The following AHNAK2 variants were observed in gnomAD, a reference collection of about 807,000 sequenced individuals.
AHNAK2 encodes the protein protein AHNAK2.
Under a neutral mutation model 30.7 loss-of-function variants are expected in AHNAK2, and 18 were observed. The ratio of observed to expected loss-of-function variants is 0.59; its 90% CI spans 0.41 to 0.87. The LOEUF is 0.87. Among genes scored for constraint, AHNAK2 ranks in the 40% least tolerant of loss-of-function variants. The probability of loss-of-function intolerance (pLI) is 0.00; values close to 1 mark genes in which losing one functional copy is unlikely to be tolerated. For synonymous variants in AHNAK2, 3,590 were observed against 3,073.8 expected, an observed-to-expected ratio of 1.17 and a Z score of -5.56; for missense variants, 8,604 against 7,373.0, an observed-to-expected ratio of 1.17 and a Z score of -6.11.
rs749939034 is a variant in AHNAK2 at position 104,948,146 on chromosome 14, C to T, written c.7305G>A (p.Thr2435=). The T allele has an allele frequency of 3.1e-5, 50 of 1,612,458 alleles. 1 individual carries two copies. Among genetic ancestry groups the T allele is most frequent in the African/African-American group, 6.7e-5 (5 of 74,324 alleles). Reference sequence around the variant, plus strand: ...CCTCCACGTCGGGGGCCATCACGTCCGTCTTGGGGCCTTTCAGGTCCAGCT... The same window carrying T: ...CCTCCACGTCGGGGGCCATCACGTCTGTCTTGGGGCCTTTCAGGTCCAGCT... The part of the protein sequence containing the change: ...GPKLDLKGPK[T]DVMAPDVEVS... The change falls in exon 7 of 7, where the codon ACG becomes ACA. Residue 2435 remains threonine (T), a synonymous_variant. Coordinates refer to ENST00000333244, the MANE Select transcript of AHNAK2 (RefSeq NM_138420.4).
intron 4 of AHNAK2, 33 bp from the exon 5 acceptor site, chr14:104,955,666 C>G: frequency 6.2e-7 from 1 of 1,602,284 alleles, no homozygotes; most frequent in Non-Finnish European, 8.5e-7. Flanking sequence ...CCATGGTGAG[C>G]ATGTGCCAGT....
chr14:104,954,948 T>C lies in AHNAK2; in HGVS notation c.651+9A>G. On this transcript the variant is annotated intron_variant, in intron 6 of 6. Coordinates refer to ENST00000333244, the MANE Select transcript of AHNAK2 (RefSeq NM_138420.4). This position sits in a 1 kb window ranked among gnomAD's most constrained non-coding sequence, Gnocchi z 4.3. ...CTGGGGCCCTGCCCCCCGGGCATAG[T>C]GGTCTCACCTCCTTCTCCTTGCCCT... is the stretch of plus-strand genomic sequence containing the variant. The C allele has an allele frequency of 6.2e-7, 1 of 1,605,868 alleles. No homozygotes were observed. The highest frequency in any genetic ancestry group is 8.5e-7 in the Non-Finnish European group (1 of 1,175,930).
Position 104,956,934 on chromosome 14 carries a change from C to T in AHNAK2, c.214-245G>A, listed in dbSNP as rs59257990. Among the ~76,000 whole-genome samples, 1,212 of 152,306 alleles carry T rather than the reference C, an allele frequency of 8.0e-3. 16 individuals carry two copies. Among genetic ancestry groups the T allele is most frequent in the African/African-American group, 0.028 (1,154 of 41,564 alleles). The stretch of plus-strand genomic sequence containing the variant: ...ACAGCACCCACCCTACAGCCCACAG[C>T]GCCCATAGGGAAGCCCCACAGCAAC... On this transcript the variant is annotated intron_variant, in intron 3 of 6. Coordinates refer to ENST00000333244, the MANE Select transcript of AHNAK2 (RefSeq NM_138420.4).
rs781298549 is a variant in AHNAK2 at position 104,952,102 on chromosome 14, C to T, written c.3349G>A (p.Val1117Ile). ...KLDLKSPKAEVTAPDVEVSLP... is the reference protein window; with the variant it reads ...KLDLKSPKAEITAPDVEVSLP... ...GACACCTCCACATCAGGGGCTGTGA[C>T]TTCCGCCTTGGGGCTTTTCAGGTCC... Residue 1117 changes from valine to isoleucine, a missense_variant, in exon 7 of 7, where the codon GTC becomes ATC. Transcript: ENST00000333244. The T allele has an allele frequency of 2.5e-6, 4 of 1,612,844 alleles. No individual in the cohort carries two copies. Among genetic ancestry groups the T allele is most frequent in the Non-Finnish European group, 3.4e-6 (4 of 1,179,712 alleles).
In AHNAK2 at chr14:104,953,342, C is replaced by A; in HGVS notation, c.2109G>T (p.Pro703=). 2 of 1,613,658 alleles carry A rather than the reference C, an allele frequency of 1.2e-6. No homozygotes were observed. Among genetic ancestry groups the A allele is most frequent in the Non-Finnish European group, 1.7e-6 (2 of 1,179,844 alleles). The part of the protein sequence containing the change: ...SMEASVDVSA[P]KVEADVSLLS... ...GGAGGCTCACGTCGGCCTCCACCTTCGGCGCAGACACATCCACCGAGGCCT... is the reference window on the plus strand; with the variant it reads ...GGAGGCTCACGTCGGCCTCCACCTTAGGCGCAGACACATCCACCGAGGCCT... Residue 703 remains proline (P), a synonymous_variant, in exon 7 of 7, where the codon CCG becomes CCT. Coordinates refer to ENST00000333244, the MANE Select transcript of AHNAK2 (RefSeq NM_138420.4).
intron 1 of AHNAK2, chr14:104,970,526 C>T (rs985364800): frequency 2.8e-5 from 28 of 985,702 alleles, no homozygotes; most frequent in South Asian, 9.4e-5. Context: ...CCCCCTGCCA[C>T]GCCCGGTTCT....
Position 104,951,709 on chromosome 14 carries a change from T to G in AHNAK2, c.3742A>C (p.Lys1248Gln). Residue 1248 changes from lysine (K) to glutamine (Q), a missense_variant, in exon 7 of 7, where the codon AAG (lysine) becomes CAG (glutamine). Transcript: ENST00000333244. ...EGAGFKGHLP[K>Q]VQMPSLKMPK... is the part of the protein sequence containing the mutation. ...ATCTTCAAACTAGGCATCTGCACCT[T>G]GGGCAGGTGCCCTTTGAAGCCGGCT... is the stretch of plus-strand genomic sequence containing the variant. 1 of 1,246,404 alleles carries G rather than the reference T, an allele frequency of 8.0e-7. No homozygotes were observed. The highest frequency in any genetic ancestry group is 2.6e-4 in the Middle Eastern group (1 of 3,860). The allele number at this position is 1,246,404 out of a possible 1,614,324, so 77.2% of individuals were successfully genotyped here. A position where few individuals can be genotyped will look rare whatever the true frequency, so the allele number is the denominator to read the frequency against.
chr14:104,953,037 GC>G lies in AHNAK2; in HGVS notation c.2413del (p.Ala805ProfsTer22). ...CGCACCATCCAGCTTTGCTCTCGGGGCCTGGACGTCCACCTCCATGCTGGAC... is the reference window on the plus strand; with the variant it reads ...CGCACCATCCAGCTTTGCTCTCGGGGCTGGACGTCCACCTCCATGCTGGAC... ...SLSSMEVDVQAPRAKLDGARL... is the reference protein window; with the variant it reads ...SLSSMEVDVQXPRAKLDGARL... On this transcript the variant is annotated frameshift_variant, in exon 7 of 7. Coordinates refer to ENST00000333244, the MANE Select transcript of AHNAK2 (RefSeq NM_138420.4). LOFTEE classifies it low-confidence loss of function (END_TRUNC). The G allele has an allele frequency of 1.9e-6, 3 of 1,613,220 alleles. No homozygotes were observed. The highest frequency in any genetic ancestry group is 2.5e-6 in the Non-Finnish European group (3 of 1,179,716).
Position 104,951,689 on chromosome 14 carries a change from C to T in AHNAK2, c.3762G>A (p.Leu1254=), listed in dbSNP as rs564449612. The change falls in exon 7 of 7, where the codon TTG becomes TTA. Residue 1254 remains leucine, a synonymous_variant. Coordinates refer to ENST00000333244, the MANE Select transcript of AHNAK2 (RefSeq NM_138420.4). ...GHLPKVQMPS[L]KMPKVDLKGP... The stretch of plus-strand genomic sequence containing the variant: ...CCTTGAGGTCCACTTTGGGCATCTT[C>T]AAACTAGGCATCTGCACCTTGGGCA... The T allele has an allele frequency of 8.2e-7, 1 of 1,220,708 alleles. No individual in the cohort carries two copies. The highest frequency in any genetic ancestry group is 1.1e-6 in the Non-Finnish European group (1 of 869,680). The allele number at this position is 1,220,708 out of a possible 1,614,324, so 75.6% of individuals were successfully genotyped here.
chr14:104,950,506 T>G lies in AHNAK2; in HGVS notation c.4945A>C (p.Lys1649Gln). 3.2e-6 allele frequency: 5 copies of G among 1,586,892 alleles called. No individual in the cohort carries two copies. The highest frequency in any genetic ancestry group is 4.3e-6 in the Non-Finnish European group (5 of 1,162,948). ...TTGCTGTCTTTGGCAGTCACCGCCTTGTCGGCCAGGGACAGGTCCCCCTCC... is the reference window on the plus strand; with the variant it reads ...TTGCTGTCTTTGGCAGTCACCGCCTGGTCGGCCAGGGACAGGTCCCCCTCC... The part of the protein sequence containing the change: ...QLEGDLSLAD[K>Q]AVTAKDSKFK... Residue 1649 changes from lysine (K) to glutamine (Q), a missense_variant, in exon 7 of 7, where the codon AAG becomes CAG. By Grantham distance (53) the Lys-to-Gln change is moderately conservative. Transcript: ENST00000333244.
chr14:104,952,362 G>T lies in AHNAK2; in HGVS notation c.3089C>A (p.Ala1030Asp). The T allele has an allele frequency of 6.2e-7, 1 of 1,612,728 alleles. No individual in the cohort carries two copies. Among genetic ancestry groups the T allele is most frequent in the Non-Finnish European group, 8.5e-7 (1 of 1,179,612 alleles). ...LVDVSAPKVE[A>D]DLSLPSMQGD... ...CTGCATGGAGGGGAGACTCAGGTCG[G>T]CCTCCACCTTGGGTGCAGACACATC... The change falls in exon 7 of 7, where the codon GCC becomes GAC. Residue 1030 changes from alanine (A) to aspartate (D), a missense_variant. Physicochemically the swap from Ala to Asp is moderately radical, Grantham distance 126. Transcript: ENST00000333244.
At position 104,952,572 on chromosome 14, in the gene AHNAK2, G is replaced by C. The variant is rs1898796935; in HGVS notation, c.2879C>G (p.Ser960Cys). The change falls in exon 7 of 7, where the codon TCT (serine) becomes TGT (cysteine). Residue 960 changes from serine (S) to cysteine (C), a missense_variant. Coordinates refer to ENST00000333244, the MANE Select transcript of AHNAK2 (RefSeq NM_138420.4). ...AEVTAPDGEV[S>C]LPSMEVDVQA... The stretch of plus-strand genomic sequence containing the variant: ...GACATCCACCTCCATGCTGGGCAGA[G>C]ACACCTCGCCATCGGGGGCTGTCAC... 1.2e-6 allele frequency: 2 copies of C among 1,612,756 alleles called. No individual in the cohort carries two copies. The highest frequency in any genetic ancestry group is 2.7e-5 in the African/African-American group (2 of 74,358).
At position 104,953,835 on chromosome 14, in the gene AHNAK2, G is replaced by C. The variant is rs143515877; in HGVS notation, c.1616C>G (p.Pro539Arg). 14 of 1,613,722 alleles carry C rather than the reference G, an allele frequency of 8.7e-6. No homozygotes were observed. The Admixed American group carries it at 1.0e-4, about 12-fold the overall frequency. Residue 539 changes from proline to arginine, a missense_variant, in exon 7 of 7, where the codon CCG (proline) becomes CGG (arginine). Physicochemically the swap from Pro to Arg is moderately radical, Grantham distance 103. Transcript: ENST00000333244. ...TGCATGTGTGGTTGGTTCCCTGCCC[G>C]GCATCCACCCGGCTCCTTCCACCTC... Reference protein sequence around the residue: ...GEEVEGAGWMPGREPTTHAEA... With the variant: ...GEEVEGAGWMRGREPTTHAEA...
chr14:104,963,791 C>T (rs1359727203), intron 1 of AHNAK2, among the ~76,000 whole-genome samples: 1 of 148,084 alleles, frequency 6.8e-6, no homozygotes, highest in Non-Finnish European at 1.5e-5. Flanking sequence ...GATTGCGCCA[C>T]TGCACTCCAG....
rs1898274490 is a variant in AHNAK2, at chr14:104,946,454, G to A, written c.8997C>T (p.Val2999=). ...CCTTCGGCGCAGACACATCCACCGA[G>A]ACCTCAATGGACTTGCCTGGGGCAG... ...GVSAPGKSIE[V]SVDVSAPKVE... The change falls in exon 7 of 7, where the codon GTC becomes GTT. Residue 2999 remains valine (V), a synonymous_variant. Transcript: ENST00000333244. 3 of 1,612,752 alleles carry A rather than the reference G, an allele frequency of 1.9e-6. No individual in the cohort carries two copies. The highest frequency in any genetic ancestry group is 2.2e-5 in the East Asian group (1 of 44,674).
rs1267422973 is a variant in AHNAK2, at chr14:104,949,503, G to A, written c.5948C>T (p.Ala1983Val). The stretch of plus-strand genomic sequence containing the variant: ...GGGCATTTTGAACTTGCTGTCTTTG[G>A]CAGTCATGTCCTTGTCGGCCAGGGA... ...DLSLADKDMT[A>V]KDSKFKMPKF... The change falls in exon 7 of 7, where the codon GCC becomes GTC. Residue 1983 changes from alanine (A) to valine (V), a missense_variant. Coordinates refer to ENST00000333244, the MANE Select transcript of AHNAK2 (RefSeq NM_138420.4). 1.3e-6 allele frequency: 2 copies of A among 1,588,160 alleles called. No individual in the cohort carries two copies. The highest frequency in any genetic ancestry group is 1.7e-4 in the Middle Eastern group (1 of 6,032).
In AHNAK2 at chr14:104,949,021, T is replaced by G. The variant is rs1180206433; in HGVS notation, c.6430A>C (p.Lys2144Gln). Residue 2144 changes from lysine to glutamine, a missense_variant, in exon 7 of 7, where the codon AAG becomes CAG. Coordinates refer to ENST00000333244, the MANE Select transcript of AHNAK2 (RefSeq NM_138420.4). ...TTGCTGTCTTTGGTAGTCAGGTCCT[T>G]GTTGGCCAGGGTCAGGTCCCCCTGC... ...HLQGDLTLAN[K>Q]DLTTKDSKFK... 2 of 1,096,824 alleles carry G rather than the reference T, an allele frequency of 1.8e-6. 1 individual carries two copies. Among genetic ancestry groups the G allele is most frequent in the Non-Finnish European group, 2.7e-6 (2 of 752,674 alleles). The allele number at this position is 1,096,824 out of a possible 1,614,324, so 67.9% of individuals were successfully genotyped here. A position where few individuals can be genotyped will look rare whatever the true frequency, so the allele number is the denominator to read the frequency against.
Position 104,952,704 on chromosome 14 carries a change from A to C in AHNAK2, c.2747T>G (p.Leu916Arg). 1.2e-6 allele frequency: 2 copies of C among 1,612,894 alleles called. No individual in the cohort carries two copies. Among genetic ancestry groups the C allele is most frequent in the Non-Finnish European group, 1.7e-6 (2 of 1,179,636 alleles). ...GAAACTGGGCATCTCCACTTTGGGC[A>C]GGTGCACTTTGGGGCCGGCTCCCTC... ...VPEGAGPKVH[L>R]PKVEMPSFKM... The change falls in exon 7 of 7, where the codon CTG (leucine) becomes CGG (arginine). Residue 916 changes from leucine to arginine, a missense_variant. Transcript: ENST00000333244.
At position 104,940,107 on chromosome 14, in the gene AHNAK2, T is replaced by A; in HGVS notation, c.15344A>T (p.Gln5115Leu). 1.2e-6 allele frequency: 2 copies of A among 1,613,272 alleles called. No individual in the cohort carries two copies. The highest frequency in any genetic ancestry group is 1.7e-6 in the Non-Finnish European group (2 of 1,179,884). ...RSSKAKVEVS[Q>L]PEADLPLPKH... ...GGGAAGAGGCAGGTCAGCTTCAGGC[T>A]GGCTCACCTCCACCTTGGCCTTGGA... The change falls in exon 7 of 7, where the codon CAG becomes CTG. Residue 5115 changes from glutamine to leucine, a missense_variant. Gln to Leu is a moderately radical substitution (Grantham distance 113, BLOSUM62 -2). Transcript: ENST00000333244. This position sits in a 1 kb window ranked among gnomAD's most constrained non-coding sequence, Gnocchi z 4.4.
Sources: allele counts gnomAD v4.1 joint callset (sites outside exome capture counted in the v4.1 genomes callset), GRCh38; gene constraint gnomAD v4.1.1; non-coding constraint Gnocchi (gnomAD v3.1); transcripts MANE v1.5; gene names NCBI Gene and HGNC (gene_info 2026-07-23, HGNC 2026-07-21).